CCNJL: variants seen among roughly 807,000 people sequenced by gnomAD.
CCNJL encodes cyclin J like.
A neutral mutation model predicts 33.4 loss-of-function variants in CCNJL; 33 were observed. The observed-to-expected ratio is 0.99, with a 90% CI of 0.75 to 1.32. The LOEUF is 1.32. Among genes scored for constraint, CCNJL ranks in the 40% most tolerant of loss-of-function variants. The pLI is 0.00. For missense variants in CCNJL, 512 were observed against 499.7 expected (o/e 1.02, Z -0.23); for synonymous variants, 227 against 220.9 (o/e 1.03, Z -0.24).
At chr5:160,328,833 G>T (rs1162515856) in intron 1 of CCNJL, among the ~76,000 whole-genome samples, 1 of 150,942 alleles carries the variant, frequency 6.6e-6, no homozygotes, top group Non-Finnish European at 1.5e-5. Flanking sequence ...TGAGCCAAGA[G>T]CACGCCACTG....
intron 2 of CCNJL, among the ~76,000 whole-genome samples, chr5:160,294,470 C>T (rs1762686713): frequency 6.6e-6 from 1 of 152,214 alleles, no homozygotes; most frequent in Non-Finnish European, 1.5e-5. Flanking sequence ...CAGCTCCAAG[C>T]ACACCTCCTC....
intron 1 of CCNJL, among the ~76,000 whole-genome samples, chr5:160,324,224 A>G (rs553432269): frequency 6.8e-4 from 104 of 152,358 alleles, no homozygotes; most frequent in African/African-American, 2.4e-3. Flanking sequence ...ATACTAAAAC[A>G]TCCTCATCAA....
At chr5:160,301,816 G>C (rs1273225001) in intron 2 of CCNJL, among the ~76,000 whole-genome samples, 1 of 150,280 alleles carries the variant, frequency 6.7e-6, no homozygotes, top group African/African-American at 2.5e-5. Context: ...TGCAACCTCT[G>C]CCTCCCGGGT....
At chr5:160,255,392 T>C (rs1193123405) in intron 5 of CCNJL, 157 bp downstream of exon 5, 11 of 616,882 alleles carry the variant, frequency 1.8e-5, no homozygotes, top group Non-Finnish European at 3.2e-5. Flanking sequence ...ACCCCACTTC[T>C]ACCAGGAGTC....
At chr5:160,281,870 G>C (rs1179552175) in intron 2 of CCNJL, among the ~76,000 whole-genome samples, 1 of 152,014 alleles carries the variant, frequency 6.6e-6, no homozygotes, top group Non-Finnish European at 1.5e-5. Context: ...GCCTGGGATG[G>C]TCTCAAACTC....
chr5:160,260,861 G>A (rs1245488621), intron 3 of CCNJL, among the ~76,000 whole-genome samples: 1 of 152,032 alleles, frequency 6.6e-6, no homozygotes, highest in Non-Finnish European at 1.5e-5. Context: ...CTCAGAAGAC[G>A]CCCTCCACAC....
upstream of CCNJL, chr5:160,315,414 G>A: frequency 2.3e-6 from 1 of 442,044 alleles, no homozygotes; most frequent in Non-Finnish European, 4.5e-6. Flanking sequence ...AGCTGAAATA[G>A]AAGAATCACT....
At chr5:160,279,557 G>A (rs751346847) in intron 3 of CCNJL, among the ~76,000 whole-genome samples, 41 of 152,292 alleles carry the variant, frequency 2.7e-4, no homozygotes, top group Admixed American at 4.6e-4. Context: ...AGCACATGAC[G>A]CTGAGGGTCT....
Position 160,253,249 on chromosome 5 carries a change from A to G in CCNJL, c.*129T>C. On this transcript the variant is annotated 3_prime_UTR_variant, in exon 6 of 6. Transcript: ENST00000257536. ...TGGGTCAGTTTTATTTAAAAGGAGC[A>G]CAGACCCTCCACGTTCCAAGGCTCT... 6.0e-6 allele frequency: 5 copies of G among 832,166 alleles called. No homozygotes were observed. Among genetic ancestry groups the G allele is most frequent in the Non-Finnish European group, 7.2e-6 (4 of 552,924 alleles). 51.5% of individuals were successfully genotyped at this position (832,166 alleles called of 1,614,324 possible).
intron 2 of CCNJL, among the ~76,000 whole-genome samples, chr5:160,287,780 G>A (rs1471868846): frequency 6.6e-6 from 1 of 152,220 alleles, no homozygotes; most frequent in Non-Finnish European, 1.5e-5. Context: ...AATCAGGCAG[G>A]CGCTGGGCGG....
At chr5:160,262,538 T>A (rs1056002185) in intron 3 of CCNJL, among the ~76,000 whole-genome samples, 3 of 152,140 alleles carry the variant, frequency 2.0e-5, no homozygotes, top group Non-Finnish European at 4.4e-5. Flanking sequence ...TTGTCCCACA[T>A]GAAGATAAAA....
chr5:160,329,303 A>C (rs1763577375), intron 1 of CCNJL, among the ~76,000 whole-genome samples: 1 of 152,054 alleles, frequency 6.6e-6, no homozygotes, highest in South Asian at 2.1e-4. Flanking sequence ...CACAGCAACC[A>C]ACCCAAAGGG....
At chr5:160,289,986 GC>G (rs1216922477) in intron 2 of CCNJL, among the ~76,000 whole-genome samples, 1 of 152,210 alleles carries the variant, frequency 6.6e-6, no homozygotes, top group African/African-American at 2.4e-5. Context: ...CTGCTGCATA[GC>G]CGGGGAGGGG....
intron 1 of CCNJL, among the ~76,000 whole-genome samples, chr5:160,322,284 C>A (rs1169304492): frequency 6.6e-6 from 1 of 152,230 alleles, no homozygotes; most frequent in Non-Finnish European, 1.5e-5. Flanking sequence ...CCCAACCCAG[C>A]CTGCTTCCAC....
intron 3 of CCNJL, among the ~76,000 whole-genome samples, chr5:160,260,732 C>T (rs1258496118): frequency 6.6e-6 from 1 of 152,120 alleles, no homozygotes; most frequent in Non-Finnish European, 1.5e-5. Context: ...TGGACCCTGT[C>T]CTTGGCAGTT....
In CCNJL at chr5:160,289,737, G is replaced by C. The variant is rs555551896; in HGVS notation, c.67-8999C>G. Among the ~76,000 whole-genome samples, 230 of 152,298 alleles carry C rather than the reference G, an allele frequency of 1.5e-3. 1 individual carries two copies. The highest frequency in any genetic ancestry group is 5.3e-3 in the African/African-American group (222 of 41,572). On this transcript the variant is annotated intron_variant, in intron 2 of 5. Coordinates refer to ENST00000257536, the MANE Select transcript of CCNJL (RefSeq NM_001308173.3). ...TACACGGAGAGACAGAGAGGCAGCA[G>C]GGCTGCCTGGACAGGTCTCTGAAGA...
intron 2 of CCNJL, among the ~76,000 whole-genome samples, chr5:160,306,590 A>G (rs1461735352): frequency 1.3e-5 from 2 of 152,226 alleles, no homozygotes; most frequent in African/African-American, 4.8e-5. Flanking sequence ...TAAGAACTCC[A>G]GAAATCCCTG....
At chr5:160,305,287 T>C (rs1266839235) in intron 2 of CCNJL, among the ~76,000 whole-genome samples, 5 of 152,224 alleles carry the variant, frequency 3.3e-5, no homozygotes, top group Non-Finnish European at 5.9e-5. Flanking sequence ...GGGCTGAGGA[T>C]GAAGCTGGGA....
In CCNJL at chr5:160,249,252, C is replaced by T. The variant is rs1157890163; in HGVS notation, c.*4126G>A. ...GGTCAGTTGTGGAATAGGTCTGTTT[C>T]TATATGCACATGTAACCCAAATGTC... On this transcript the variant is annotated 3_prime_UTR_variant, in exon 6 of 6. Transcript: ENST00000257536. 6.6e-6 allele frequency: 1 copy of T among 152,094 alleles called. No homozygotes were observed. Among genetic ancestry groups the T allele is most frequent in the Non-Finnish European group, 1.5e-5 (1 of 68,026 alleles). 9.4% of individuals were successfully genotyped at this position (152,094 alleles called of 1,614,324 possible). A position where few individuals can be genotyped will look rare whatever the true frequency, so the allele number is the denominator to read the frequency against.
Sources: gnomAD v4.1 joint callset for allele counts (sites outside exome capture counted in the v4.1 genomes callset) on GRCh38, gnomAD v4.1.1 for gene constraint, MANE v1.5 for transcripts, NCBI Gene and HGNC (gene_info 2026-07-23, HGNC 2026-07-21) for gene names.